The following PCDHGB3 variants were observed in gnomAD, a reference collection of about 807,000 sequenced individuals.
PCDHGB3 encodes protocadherin gamma-B3.
Under a neutral mutation model 59.2 loss-of-function variants are expected in PCDHGB3, and 40 were observed. The ratio of observed to expected loss-of-function variants is 0.68; its 90% confidence interval spans 0.52 to 0.88. PCDHGB3 has a LOEUF of 0.88. Ranked by LOEUF, PCDHGB3 falls within the 40% of genes least tolerant of loss-of-function variation. The pLI is 0.00. For synonymous variants in PCDHGB3, 581 were observed against 503.6 expected (o/e 1.15, Z -2.06); for missense variants, 1,309 against 1,187.9 (o/e 1.10, Z -1.50).
At position 141,491,422 on chromosome 5, in the gene PCDHGB3, G is replaced by T. The variant is rs1413549196; in HGVS notation, c.2416-3385G>T. 1 of 1,614,112 alleles carries T rather than the reference G, an allele frequency of 6.2e-7. No homozygotes were observed. The stretch of plus-strand genomic sequence containing the variant: ...AAACGCAGACGGGGACGGGGGTGGA[G>T]GGCAGTGCTGCAGGCGCCAGGACTC... On this transcript the variant is annotated intron_variant, in intron 1 of 3. Coordinates refer to ENST00000576222, the MANE Select transcript of PCDHGB3 (RefSeq NM_018924.5). The surrounding 1 kb of genome is among the most constrained non-coding windows in gnomAD (Gnocchi z 6.9).
At chr5:141,413,637 G>T in intron 1 of PCDHGB3, 8 of 1,613,888 alleles carry the variant, frequency 5.0e-6, no homozygotes, top group Non-Finnish European at 6.8e-6. Context: ...CTGCGGGAAT[G>T]CGTTTTCCTC....
At chr5:141,398,199 G>A in intron 1 of PCDHGB3, 1 of 1,491,242 alleles carries the variant, frequency 6.7e-7, no homozygotes, top group South Asian at 1.3e-5. Flanking sequence ...TGCTGTCTTT[G>A]TTCTGCCCGG....
chr5:141,447,328 C>T (rs546209008), intron 1 of PCDHGB3, among the ~76,000 whole-genome samples: 39 of 151,886 alleles, frequency 2.6e-4, no homozygotes, highest in Admixed American at 7.2e-4. Flanking sequence ...TTAGTAGAGA[C>T]GGGTTTCATC....
In PCDHGB3 at chr5:141,493,482, G is replaced by T. The variant is rs184736387; in HGVS notation, c.2416-1325G>T. The stretch of plus-strand genomic sequence containing the variant: ...TTTTAGGACCTTACATGTGGGGAAA[G>T]TCTTCTGTGGCTCCTCATTTCTGAG... On this transcript the variant is annotated intron_variant, in intron 1 of 3. Coordinates refer to ENST00000576222, the MANE Select transcript of PCDHGB3 (RefSeq NM_018924.5). The surrounding 1 kb of genome is among the most constrained non-coding windows in gnomAD (Gnocchi z 4.3). 6.6e-6 allele frequency among the ~76,000 whole-genome samples: 1 copy of T among 152,206 alleles called. No individual in the cohort carries two copies. Among genetic ancestry groups the T allele is most frequent in the Admixed American group, 6.5e-5 (1 of 15,282 alleles).
chr5:141,485,446 C>A lies in PCDHGB3; in HGVS notation c.2416-9361C>A. On this transcript the variant is annotated intron_variant, in intron 1 of 3. Transcript: ENST00000576222. This position sits in a 1 kb window ranked among gnomAD's most constrained non-coding sequence, Gnocchi z 5.7. ...CCCTGCTCATCAAGAACCCAATCGA[C>A]CGAGAGGCACTGTGTGGGCTCAGTG... is the stretch of plus-strand genomic sequence containing the variant. 6.2e-7 allele frequency: 1 copy of A among 1,614,156 alleles called. No individual in the cohort carries two copies. The highest frequency in any genetic ancestry group is 8.5e-7 in the Non-Finnish European group (1 of 1,180,018).
rs1016254258 is a variant in PCDHGB3 at position 141,489,870 on chromosome 5, G to C, written c.2416-4937G>C. ...GTGAAGCCCAGGCAAGACATCAGCT[G>C]GTGCTTACTGCTGTGGATGGGGGGA... On this transcript the variant is annotated intron_variant, in intron 1 of 3. Transcript: ENST00000576222. The surrounding 1 kb of genome is among the most constrained non-coding windows in gnomAD (Gnocchi z 4.5). The C allele has an allele frequency of 2.0e-5, 32 of 1,614,102 alleles. No homozygotes were observed. Among genetic ancestry groups the C allele is most frequent in the African/African-American group, 4.0e-5 (3 of 74,944 alleles).
chr5:141,384,493 G>A lies in PCDHGB3; in HGVS notation c.2415+11684G>A, dbSNP rs370485526. The A allele has an allele frequency of 6.2e-7, 1 of 1,614,056 alleles. No individual in the cohort carries two copies. The highest frequency in any genetic ancestry group is 1.3e-5 in the African/African-American group (1 of 74,948). ...GCAGTTGAGAGAACTACAACTAAGA[G>A]TGACTGCACATGACAGCGGGGACCC... On this transcript the variant is annotated intron_variant, in intron 1 of 3. Coordinates refer to ENST00000576222, the MANE Select transcript of PCDHGB3 (RefSeq NM_018924.5).
chr5:141,437,518 T>C (rs1482415074), intron 1 of PCDHGB3, among the ~76,000 whole-genome samples: 1 of 152,210 alleles, frequency 6.6e-6, no homozygotes, highest in African/African-American at 2.4e-5. Flanking sequence ...ATAAGGCTGA[T>C]GACAAATGAG....
chr5:141,415,603 T>C, intron 1 of PCDHGB3: 6 of 1,613,954 alleles, frequency 3.7e-6, no homozygotes, highest in Non-Finnish European at 5.1e-6. Flanking sequence ...GGATACCCCA[T>C]TGGTTCCAGT....
intron 1 of PCDHGB3, among the ~76,000 whole-genome samples, chr5:141,472,980 C>CAAAAAAAAAAAAAA (rs60579131): frequency 5.8e-5 from 5 of 86,102 alleles, no homozygotes; most frequent in Admixed American, 1.2e-4. Context: ...GAGTGAAACT[C>CAAAAAAAAAAAAAA]AAAAAAAAAA....
chr5:141,441,800 G>T, intron 1 of PCDHGB3: 1 of 382,594 alleles, frequency 2.6e-6, no homozygotes, highest in Non-Finnish European at 5.2e-6. Flanking sequence ...ACGCACCGCG[G>T]GTGCTGTACC....
intron 1 of PCDHGB3, among the ~76,000 whole-genome samples, chr5:141,450,487 G>A (rs1379694010): frequency 1.3e-5 from 2 of 151,938 alleles, no homozygotes; most frequent in African/African-American, 2.4e-5. Context: ...TTGTTTGTTT[G>A]TCTGTTTGTT....
chr5:141,394,868 C>A, intron 1 of PCDHGB3: 1 of 1,613,828 alleles, frequency 6.2e-7, no homozygotes, highest in Non-Finnish European at 8.5e-7. Flanking sequence ...TCGACCCGAA[C>A]GATTCGAGCC....
chr5:141,472,454 C>T (rs538141635), intron 1 of PCDHGB3, among the ~76,000 whole-genome samples: 3 of 151,192 alleles, frequency 2.0e-5, no homozygotes, highest in South Asian at 4.2e-4. Context: ...GCAGGAGAAT[C>T]GCTTGAACCC....
chr5:141,372,931 A>G, intron 1 of PCDHGB3, 122 bp downstream of exon 1: 1 of 890,318 alleles, frequency 1.1e-6, no homozygotes, highest in Admixed American at 3.1e-5. Flanking sequence ...TTTCTGGTGT[A>G]GAGTAGGGTG....
At chr5:141,418,441 A>T in intron 1 of PCDHGB3, 2 of 1,614,000 alleles carry the variant, frequency 1.2e-6, no homozygotes, top group East Asian at 4.5e-5. Flanking sequence ...ATCCAGAATT[A>T]GTATTGCAGA....
chr5:141,398,804 C>T, intron 1 of PCDHGB3: 1 of 1,614,012 alleles, frequency 6.2e-7, no homozygotes, highest in Non-Finnish European at 8.5e-7. Context: ...AGCGGCACCA[C>T]TGAGCTCCGG....
intron 1 of PCDHGB3, chr5:141,409,242 T>C (rs372196346): frequency 1.4e-5 from 22 of 1,613,864 alleles, no homozygotes; most frequent in Middle Eastern, 1.6e-4. Context: ...AGCCCAGAAA[T>C]AATCATCACT....
In PCDHGB3 at chr5:141,485,513, T is replaced by C. The variant is rs751762068; in HGVS notation, c.2416-9294T>C. The C allele has an allele frequency of 4.3e-6, 7 of 1,613,938 alleles. No homozygotes were observed. The highest frequency in any genetic ancestry group is 2.2e-5 in the East Asian group (1 of 44,890). On this transcript the variant is annotated intron_variant, in intron 1 of 3. Coordinates refer to ENST00000576222, the MANE Select transcript of PCDHGB3 (RefSeq NM_018924.5). The surrounding 1 kb of genome is among the most constrained non-coding windows in gnomAD (Gnocchi z 5.7). ...CCTGGAGTTTGTCACCGAAGGTCCTTTGGAAATGTACCGAGCAGAGGTAGA... is the reference window on the plus strand; with the variant it reads ...CCTGGAGTTTGTCACCGAAGGTCCTCTGGAAATGTACCGAGCAGAGGTAGA...
Sources: gnomAD v4.1 joint callset for allele counts (sites outside exome capture counted in the v4.1 genomes callset) on GRCh38, gnomAD v4.1.1 for gene constraint, Gnocchi (gnomAD v3.1) non-coding constraint, MANE v1.5 for transcripts, NCBI Gene and HGNC (gene_info 2026-07-23, HGNC 2026-07-21) for gene names.